The following KCNJ6 variants were observed in gnomAD, a reference collection of about 807,000 sequenced individuals.
KCNJ6 encodes potassium inwardly rectifying channel subfamily J member 6.
Under a neutral mutation model 34.2 loss-of-function variants are expected in KCNJ6, and 9 were observed. The observed-to-expected ratio is 0.26, with a 90% CI of 0.16 to 0.46. The LOEUF (loss-of-function observed/expected upper bound fraction) is 0.46, where lower values mean the gene tolerates loss of function less well. KCNJ6 is among the 20% of genes least tolerant of loss of function. The pLI is 1.00. For synonymous variants in KCNJ6, 196 were observed against 207.1 expected (o/e 0.95, Z 0.46); for missense variants, 236 against 531.3 (o/e 0.44, Z 5.46).
In KCNJ6 at chr21:37,611,424, A is replaced by G. The variant is rs532330842; in HGVS notation, c.*13735T>C. On this transcript the variant is annotated 3_prime_UTR_variant, in exon 4 of 4. Coordinates refer to ENST00000609713, the MANE Select transcript of KCNJ6 (RefSeq NM_002240.5). ...GAATTCTACCAAAGACTTAAGGAAG[A>G]AATGATACTGATTATCTACAATCTC... is the stretch of plus-strand genomic sequence containing the variant. 2.6e-5 allele frequency: 4 copies of G among 152,344 alleles called. No homozygotes were observed. The highest frequency in any genetic ancestry group is 7.2e-5 in the African/African-American group (3 of 41,582). The allele number at this position is 152,344 out of a possible 1,614,324, so 9.4% of individuals were successfully genotyped here. A position where few individuals can be genotyped will look rare whatever the true frequency, so the allele number is the denominator to read the frequency against.
At chr21:37,704,560 A>G (rs1323617064) in intron 3 of KCNJ6, among the ~76,000 whole-genome samples, 1 of 152,120 alleles carries the variant, frequency 6.6e-6, no homozygotes, top group African/African-American at 2.4e-5. Context: ...ATTAATATTT[A>G]CACTATATAA....
Position 37,695,989 on chromosome 21 carries a change from T to C in KCNJ6, c.946+18222A>G, listed in dbSNP as rs2054661730. On this transcript the variant is annotated intron_variant, in intron 3 of 3. Coordinates refer to ENST00000609713, the MANE Select transcript of KCNJ6 (RefSeq NM_002240.5). This position sits in a 1 kb window ranked among gnomAD's most constrained non-coding sequence, Gnocchi z 4.2. ...GATAATGTGAGCATCACAAATAATA[T>C]CAGTAGCAGATTATAACTCATTGAA... Among the ~76,000 whole-genome samples the C allele has an allele frequency of 1.3e-5, 2 of 152,166 alleles. No individual in the cohort carries two copies. The highest frequency in any genetic ancestry group is 2.4e-5 in the African/African-American group (1 of 41,436).
At chr21:37,718,425 AAGAGCAAAGAC>A (rs2054805749) in intron 2 of KCNJ6, among the ~76,000 whole-genome samples, 1 of 152,216 alleles carries the variant, frequency 6.6e-6, no homozygotes, top group Non-Finnish European at 1.5e-5. Flanking sequence ...GGTTGTGGGA[AAGAGCAAAGAC>A]AGAGAAAAGA....
At chr21:37,702,944 C>T (rs186370162) in intron 3 of KCNJ6, among the ~76,000 whole-genome samples, 13 of 151,860 alleles carry the variant, frequency 8.6e-5, no homozygotes, top group African/African-American at 1.4e-4. Flanking sequence ...GCGGGATGGA[C>T]GTTGTTGGTG....
At chr21:37,631,254 A>T (rs2054332387) in intron 3 of KCNJ6, among the ~76,000 whole-genome samples, 1 of 152,190 alleles carries the variant, frequency 6.6e-6, no homozygotes. Flanking sequence ...TTCATTGGCC[A>T]TGTCTGAAAT....
In KCNJ6 at chr21:37,611,644, A is replaced by G. The variant is rs528265098; in HGVS notation, c.*13515T>C. Reference sequence around the variant, plus strand: ...TATATGAAAATAATTAAACACCATGACCAGGTGGAATTTGTCCTAGGTATA... The same window carrying G: ...TATATGAAAATAATTAAACACCATGGCCAGGTGGAATTTGTCCTAGGTATA... On this transcript the variant is annotated 3_prime_UTR_variant, in exon 4 of 4. Transcript: ENST00000609713. 1 of 152,340 alleles carries G rather than the reference A, an allele frequency of 6.6e-6. No homozygotes were observed. The highest frequency in any genetic ancestry group is 2.4e-5 in the African/African-American group (1 of 41,578). 9.4% of individuals were successfully genotyped at this position (152,340 alleles called of 1,614,324 possible).
chr21:37,914,008 G>GTGTGTGTGTGTGTGT, intron 1 of KCNJ6, among the ~76,000 whole-genome samples: 1 of 135,584 alleles, frequency 7.4e-6, no homozygotes, highest in East Asian at 2.4e-4. Context: ...GGCGGATCGG[G>GTGTGTGTGTGTGTGT]GTGTGTGTGT....
At chr21:37,657,132 C>A (rs2054467917) in intron 3 of KCNJ6, among the ~76,000 whole-genome samples, 1 of 152,250 alleles carries the variant, frequency 6.6e-6, no homozygotes. Flanking sequence ...CACCCAGAAC[C>A]CCTGCCTCAC....
chr21:37,815,816 C>G (rs1226198462), intron 2 of KCNJ6, among the ~76,000 whole-genome samples: 1 of 152,194 alleles, frequency 6.6e-6, no homozygotes, highest in South Asian at 2.1e-4. Context: ...TTGGCTTTAG[C>G]CCCCATATGT....
At chr21:37,774,966 ACAGTGTAAAAGTGTTCCTATTTCTC>A (rs1335362589) in intron 2 of KCNJ6, among the ~76,000 whole-genome samples, 1 of 152,202 alleles carries the variant, frequency 6.6e-6, no homozygotes, top group Non-Finnish European at 1.5e-5. Flanking sequence ...AGTCCCACCA[ACAGTGTAAAAGTGTTCCTATTTCTC>A]CATATCCTCT....
intron 3 of KCNJ6, among the ~76,000 whole-genome samples, chr21:37,672,026 A>T (rs2054544521): frequency 6.6e-6 from 1 of 152,062 alleles, no homozygotes; most frequent in African/African-American, 2.4e-5. Context: ...ACTTCTTTCC[A>T]ATTGGAATAC....
At chr21:37,816,257 G>T (rs925667258) in intron 2 of KCNJ6, among the ~76,000 whole-genome samples, 3 of 152,186 alleles carry the variant, frequency 2.0e-5, no homozygotes, top group Admixed American at 2.0e-4. Flanking sequence ...ATAGGTAAGG[G>T]TTCTGTGTTT....
rs986900684 is a variant in KCNJ6, at chr21:37,610,697, G to A, written c.*14462C>T. On this transcript the variant is annotated 3_prime_UTR_variant, in exon 4 of 4. Coordinates refer to ENST00000609713, the MANE Select transcript of KCNJ6 (RefSeq NM_002240.5). ...GAAATCAGTAACAGAAAGGTAGCTGGAAAATGCCAAAATACTTGGAGATTA... is the reference window on the plus strand; with the variant it reads ...GAAATCAGTAACAGAAAGGTAGCTGAAAAATGCCAAAATACTTGGAGATTA... 3 of 151,544 alleles carry A rather than the reference G, an allele frequency of 2.0e-5. No homozygotes were observed. The highest frequency in any genetic ancestry group is 7.3e-5 in the African/African-American group (3 of 41,214). 9.4% of individuals were successfully genotyped at this position (151,544 alleles called of 1,614,324 possible). A position where few individuals can be genotyped will look rare whatever the true frequency, so the allele number is the denominator to read the frequency against.
At chr21:37,763,411 G>A (rs2055075811) in intron 2 of KCNJ6, among the ~76,000 whole-genome samples, 2 of 152,184 alleles carry the variant, frequency 1.3e-5, no homozygotes. Context: ...TCCTGCTCCT[G>A]ATCCTAGAGG....
intron 2 of KCNJ6, among the ~76,000 whole-genome samples, chr21:37,740,502 AC>A (rs1193956609): frequency 1.3e-5 from 2 of 151,734 alleles, no homozygotes; most frequent in African/African-American, 4.8e-5. Flanking sequence ...GGAACTAACA[AC>A]CCCCCTCCTT....
intron 2 of KCNJ6, among the ~76,000 whole-genome samples, chr21:37,764,133 C>T (rs1410071077): frequency 1.3e-5 from 2 of 152,094 alleles, no homozygotes; most frequent in Admixed American, 6.5e-5. Flanking sequence ...AACTGACAGT[C>T]GCTGCTATGC....
At chr21:37,754,050 T>C (rs1006265246) in intron 2 of KCNJ6, among the ~76,000 whole-genome samples, 4 of 152,224 alleles carry the variant, frequency 2.6e-5, no homozygotes, top group African/African-American at 9.6e-5. Context: ...TTTGAAGACA[T>C]CTGGGGCCTG....
intron 3 of KCNJ6, among the ~76,000 whole-genome samples, chr21:37,666,735 G>A (rs1007829631): frequency 2.6e-5 from 4 of 151,986 alleles, no homozygotes; most frequent in African/African-American, 9.7e-5. Context: ...GGAAAAGAAA[G>A]AGAGATCAGA....
At chr21:37,692,961 G>A (rs2054646647) in intron 3 of KCNJ6, among the ~76,000 whole-genome samples, 1 of 152,140 alleles carries the variant, frequency 6.6e-6, no homozygotes. Flanking sequence ...GGGTTGACAA[G>A]AGCCACAAAG....
Sources: gnomAD v4.1 joint callset for allele counts (sites outside exome capture counted in the v4.1 genomes callset) on GRCh38, gnomAD v4.1.1 for gene constraint, Gnocchi (gnomAD v3.1) non-coding constraint, MANE v1.5 for transcripts, NCBI Gene and HGNC (gene_info 2026-07-23, HGNC 2026-07-21) for gene names.